Variants in ITGB8 observed in about 807,000 individuals in gnomAD.
ITGB8 encodes integrin beta-8.
In ITGB8, 30 loss-of-function variants were observed where a neutral mutation model predicts 89.5. The ratio of observed to expected loss-of-function variants is 0.34; its 90% CI spans 0.25 to 0.45. The LOEUF (loss-of-function observed/expected upper bound fraction) is 0.45. Ranked by LOEUF, ITGB8 falls within the 20% of genes least tolerant of loss-of-function variation. ITGB8 has a pLI of 1.00. For synonymous variants in ITGB8, 335 were observed against 320.4 expected (o/e 1.05, Z -0.49); for missense variants, 836 against 933.3 (o/e 0.90, Z 1.36).
chr7:20,357,726 G>A (rs556433771), intron 1 of ITGB8, among the ~76,000 whole-genome samples: 3 of 152,126 alleles, frequency 2.0e-5, no homozygotes, highest in Admixed American at 6.5e-5. Context: ...AGCTTAGTAA[G>A]TAGCTGTGCT....
chr7:20,387,918 A>G (rs6952676), intron 6 of ITGB8, among the ~76,000 whole-genome samples: 19,849 of 152,250 alleles, frequency 0.13, 1,613 homozygotes, highest in East Asian at 0.4. Flanking sequence ...CCTCTAAAAA[A>G]TCACGCAGAT....
intron 1 of ITGB8, among the ~76,000 whole-genome samples, chr7:20,339,356 T>A (rs1784679862): frequency 6.6e-6 from 1 of 152,186 alleles, no homozygotes; most frequent in South Asian, 2.1e-4. Context: ...AAAGGACTAT[T>A]TTTCGACTTA....
chr7:20,389,594 A>C (rs527360515), intron 6 of ITGB8, among the ~76,000 whole-genome samples: 1 of 152,320 alleles, frequency 6.6e-6, no homozygotes, highest in East Asian at 1.9e-4. Flanking sequence ...TTAAAATACA[A>C]ATGTTTCCAA....
rs567807207 is a variant in ITGB8, at chr7:20,331,217, G to C, written c.-590G>C. 9.3e-6 allele frequency: 2 copies of C among 214,066 alleles called. No homozygotes were observed. The highest frequency in any genetic ancestry group is 2.3e-5 in the African/African-American group (1 of 43,994). The allele number at this position is 214,066 out of a possible 1,614,324, so 13.3% of individuals were successfully genotyped here. On this transcript the variant is annotated 5_prime_UTR_variant, in exon 1 of 14. Coordinates refer to ENST00000222573, the MANE Select transcript of ITGB8 (RefSeq NM_002214.3). ...TGTCTTTGCCCGCTGCTCCGCAGAC[G>C]GGGCTGCAAAGCTGCAACTAATGGT...
intron 6 of ITGB8, among the ~76,000 whole-genome samples, chr7:20,386,130 C>T (rs1280379302): frequency 1.3e-5 from 2 of 152,146 alleles, no homozygotes; most frequent in African/African-American, 2.4e-5. Context: ...GTTTTAAGTC[C>T]ATGTGCAGCT....
At chr7:20,372,036 T>C (rs1396197385) in intron 3 of ITGB8, among the ~76,000 whole-genome samples, 2 of 152,216 alleles carry the variant, frequency 1.3e-5, no homozygotes. Context: ...CTCTCTTTTT[T>C]TGTGTGTGAT....
intron 3 of ITGB8, among the ~76,000 whole-genome samples, chr7:20,373,804 T>TA (rs1318211054): frequency 2.6e-5 from 4 of 152,238 alleles, no homozygotes; most frequent in Non-Finnish European, 4.4e-5. Context: ...CTCTTGGTTT[T>TA]AAAATTTCAT....
intron 1 of ITGB8, among the ~76,000 whole-genome samples, chr7:20,341,540 T>A (rs1321102391): frequency 6.6e-6 from 1 of 152,202 alleles, no homozygotes; most frequent in African/African-American, 2.4e-5. Context: ...AGATATAGCA[T>A]GTTTGATGCC....
At position 20,401,126 on chromosome 7, in the gene ITGB8, G is replaced by A. The variant is rs548391062; in HGVS notation, c.1282-595G>A. Among the ~76,000 whole-genome samples, 454 of 152,066 alleles carry A rather than the reference G, an allele frequency of 3.0e-3. 2 individuals carry two copies. Among genetic ancestry groups the A allele is most frequent in the Middle Eastern group, 6.8e-3 (2 of 294 alleles). On this transcript the variant is annotated intron_variant, in intron 9 of 13. Transcript: ENST00000222573. ...CCCAAGTAGCTGAGACTACAGGTGC[G>A]CGCCACCATGCTCAGCTAATTTTTG...
chr7:20,377,680 G>A (rs1786210677), intron 3 of ITGB8, among the ~76,000 whole-genome samples: 2 of 152,214 alleles, frequency 1.3e-5, no homozygotes, highest in Non-Finnish European at 2.9e-5. Context: ...AATGGACTGG[G>A]CTGGGCCATG....
rs1463253214 is a variant in ITGB8, at chr7:20,367,640, C to A, written c.388+454C>A. On this transcript the variant is annotated intron_variant, in intron 3 of 13. Transcript: ENST00000222573. ...CAATATTTTTGTGATTTAATCACAA[C>A]CAACTTGTGATTAAAAGTTTATTAC... is the stretch of plus-strand genomic sequence containing the variant. Among the ~76,000 whole-genome samples the A allele has an allele frequency of 2.0e-5, 3 of 149,024 alleles. No individual in the cohort carries two copies. In the South Asian group the frequency reaches 6.4e-4, roughly 32 times the overall value.
chr7:20,368,609 A>T (rs566785723), intron 3 of ITGB8, among the ~76,000 whole-genome samples: 8 of 152,330 alleles, frequency 5.3e-5, no homozygotes, highest in Admixed American at 1.3e-4. Flanking sequence ...TTATATATAA[A>T]GCTTAACCTA....
chr7:20,403,764 G>A (rs1338942717), intron 10 of ITGB8, among the ~76,000 whole-genome samples: 1 of 133,052 alleles, frequency 7.5e-6, no homozygotes, highest in Non-Finnish European at 1.6e-5. Context: ...GGAAGGAAGG[G>A]AGGGAAGGAA....
upstream of ITGB8, among the ~76,000 whole-genome samples, chr7:20,330,514 G>C (rs907628846): frequency 2.6e-5 from 4 of 152,220 alleles, no homozygotes; most frequent in Non-Finnish European, 4.4e-5. Context: ...AGAAGGGAAC[G>C]AGGCGTGCCA....
intron 1 of ITGB8, among the ~76,000 whole-genome samples, chr7:20,345,741 A>G (rs1410162563): frequency 1.3e-5 from 2 of 152,200 alleles, no homozygotes; most frequent in Admixed American, 1.3e-4. Flanking sequence ...AGACAGGGTG[A>G]TATGTGAAAC....
intron 10 of ITGB8, 138 bp downstream of exon 10, chr7:20,402,264 A>T: frequency 1.4e-6 from 1 of 710,780 alleles, no homozygotes. Flanking sequence ...AAGTCCATGA[A>T]ATTAGGGCAT....
chr7:20,376,668 C>T lies in ITGB8; in HGVS notation c.389-2383C>T, dbSNP rs189303168. Among the ~76,000 whole-genome samples the T allele has an allele frequency of 3.9e-5, 6 of 152,186 alleles. No homozygotes were observed. In the South Asian group the frequency reaches 6.2e-4, roughly 16 times the overall value. On this transcript the variant is annotated intron_variant, in intron 3 of 13. Transcript: ENST00000222573. Reference sequence around the variant, plus strand: ...CAAGCTTGACCCCTTTGGTTTCCTCCTTATCAAGCAGAGCACGATTTGGGG... The same window carrying T: ...CAAGCTTGACCCCTTTGGTTTCCTCTTTATCAAGCAGAGCACGATTTGGGG...
chr7:20,329,934 G>A (rs1334378582), upstream of ITGB8, among the ~76,000 whole-genome samples: 1 of 152,110 alleles, frequency 6.6e-6, no homozygotes, highest in Non-Finnish European at 1.5e-5. Context: ...CATAACACCC[G>A]CACCCTACTT....
intron 1 of ITGB8, among the ~76,000 whole-genome samples, chr7:20,353,946 A>AG (rs1305618437): frequency 5.3e-5 from 8 of 150,750 alleles, no homozygotes; most frequent in Non-Finnish European, 1.2e-4. Flanking sequence ...AAAAAAAAAA[A>AG]AAAAAAAAAA....
Sources: gnomAD v4.1 joint callset for allele counts (sites outside exome capture counted in the v4.1 genomes callset) on GRCh38, gnomAD v4.1.1 for gene constraint, MANE v1.5 for transcripts, NCBI Gene and HGNC (gene_info 2026-07-23, HGNC 2026-07-21) for gene names.